Variants in EDARADD observed in about 807,000 individuals in gnomAD.
EDARADD encodes the protein EDAR associated via death domain.
Under a neutral mutation model 25.6 loss-of-function variants are expected in EDARADD, and 20 were observed. That is an observed-to-expected ratio of 0.78 (90% CI 0.55 to 1.14). The LOEUF (loss-of-function observed/expected upper bound fraction) is 1.14. Among genes scored for constraint, EDARADD ranks in the 50% most tolerant of loss-of-function variants. The pLI, the probability that EDARADD is intolerant of heterozygous loss-of-function variation, is 0.00. For missense variants in EDARADD, 225 were observed against 270.1 expected (o/e 0.83, Z 1.17); for synonymous variants, 86 against 94.4 (o/e 0.91, Z 0.52).
At chr1:236,369,560 G>A (rs926921152) in intron 3 of EDARADD, among the ~76,000 whole-genome samples, 5 of 152,018 alleles carry the variant, frequency 3.3e-5, no homozygotes, top group Admixed American at 1.3e-4. Flanking sequence ...ATCATACATC[G>A]GCCAGGTGCG....
intron 3 of EDARADD, among the ~76,000 whole-genome samples, chr1:236,363,426 C>G (rs61833977): frequency 6.6e-6 from 1 of 151,100 alleles, no homozygotes; most frequent in Non-Finnish European, 1.5e-5. Flanking sequence ...TCACGTCCCC[C>G]ACATGTTCCT....
chr1:236,407,157 G>A (rs1667752380), intron 1 of EDARADD, among the ~76,000 whole-genome samples: 1 of 152,168 alleles, frequency 6.6e-6, no homozygotes, highest in South Asian at 2.1e-4. Flanking sequence ...AGGCATTGCT[G>A]TCTTATGGTC....
intron 4 of EDARADD, among the ~76,000 whole-genome samples, chr1:236,437,544 A>G (rs1175931610): frequency 6.6e-6 from 1 of 152,020 alleles, no homozygotes; most frequent in Non-Finnish European, 1.5e-5. Flanking sequence ...TCACCTAGGG[A>G]TGTAATCCCA....
chr1:236,450,985 T>C (rs1178022352), intron 4 of EDARADD, among the ~76,000 whole-genome samples: 1 of 152,218 alleles, frequency 6.6e-6, no homozygotes, highest in African/African-American at 2.4e-5. Context: ...ATCTTGACTC[T>C]ACCCTCTGGA....
At chr1:236,446,622 T>C (rs544627995) in intron 4 of EDARADD, among the ~76,000 whole-genome samples, 3 of 152,198 alleles carry the variant, frequency 2.0e-5, no homozygotes, top group African/African-American at 7.2e-5. Flanking sequence ...ATGAAATGAG[T>C]AGTATACAAT....
chr1:236,415,513 T>A (rs1657613018), intron 3 of EDARADD, among the ~76,000 whole-genome samples: 1 of 152,192 alleles, frequency 6.6e-6, no homozygotes, highest in Non-Finnish European at 1.5e-5. Context: ...TGGCTCAATC[T>A]TGGCTCACTG....
intron 3 of EDARADD, among the ~76,000 whole-genome samples, chr1:236,385,086 A>ATTTTTTTTTTTTTTT (rs1293083838): frequency 2.6e-5 from 2 of 76,542 alleles, no homozygotes; most frequent in Non-Finnish European, 4.7e-5. Flanking sequence ...ATGCCTTTTG[A>ATTTTTTTTTTTTTTT]TTCTTTTTTT....
chr1:236,352,675 C>T (rs1666930211), intron 3 of EDARADD, among the ~76,000 whole-genome samples: 1 of 152,160 alleles, frequency 6.6e-6, no homozygotes, highest in Non-Finnish European at 1.5e-5. Context: ...TGGTGAAACC[C>T]TGTCTCTACT....
At chr1:236,419,554 G>T (rs1657727049) in intron 3 of EDARADD, among the ~76,000 whole-genome samples, 1 of 152,196 alleles carries the variant, frequency 6.6e-6, no homozygotes, top group Non-Finnish European at 1.5e-5. Flanking sequence ...TGACACTTCA[G>T]TGTGCATCAG....
At chr1:236,397,816 T>G (rs766903214) in intron 1 of EDARADD, among the ~76,000 whole-genome samples, 4 of 152,156 alleles carry the variant, frequency 2.6e-5, no homozygotes, top group Admixed American at 1.3e-4. Flanking sequence ...GTCTATAAAA[T>G]GAGCGCTCCT....
intron 3 of EDARADD, among the ~76,000 whole-genome samples, chr1:236,385,089 C>CTTTTTTTTTTTTTTTTTTTTTTTTTTTT (rs34509027): frequency 5.7e-5 from 7 of 121,986 alleles, no homozygotes; most frequent in African/African-American, 1.7e-4. Context: ...CCTTTTGATT[C>CTTTTTTTTTTTTTTTTTTTTTTTTTTTT]TTTTTTTTTT....
intron 4 of EDARADD, among the ~76,000 whole-genome samples, chr1:236,448,445 G>A (rs1658624116): frequency 6.6e-6 from 1 of 152,166 alleles, no homozygotes; most frequent in Non-Finnish European, 1.5e-5. Flanking sequence ...GCCCCACCAT[G>A]GCGGTCAGGG....
intron 5 of EDARADD, among the ~76,000 whole-genome samples, chr1:236,479,824 T>A (rs539366401): frequency 2.3e-4 from 35 of 151,558 alleles, no homozygotes; most frequent in Non-Finnish European, 5.2e-4. Flanking sequence ...GGCAGGAGGA[T>A]TGCTTAAGGC....
At chr1:236,401,028 T>C (rs1451693319) in intron 1 of EDARADD, among the ~76,000 whole-genome samples, 1 of 151,986 alleles carries the variant, frequency 6.6e-6, no homozygotes, top group East Asian at 1.9e-4. Context: ...CGAAACCCCA[T>C]GTCTAATAAA....
rs150628864 is a variant in EDARADD, at chr1:236,421,739, A to G, written c.161-5653A>G. ...TAACTGGTCTCTAACTCCTGACCTC[A>G]GGTGATCTACCCGCATTGGCCTCCC... On this transcript the variant is annotated intron_variant, in intron 3 of 5. Coordinates refer to ENST00000334232, the MANE Select transcript of EDARADD (RefSeq NM_145861.4). Among the ~76,000 whole-genome samples the G allele has an allele frequency of 1.5e-4, 23 of 152,104 alleles. No homozygotes were observed. In the East Asian group the frequency reaches 4.4e-3, roughly 29 times the overall value.
At chr1:236,358,034 G>T (rs1572107608) in intron 3 of EDARADD, among the ~76,000 whole-genome samples, 1 of 152,022 alleles carries the variant, frequency 6.6e-6, no homozygotes, top group Non-Finnish European at 1.5e-5. Context: ...ACCACACCCG[G>T]CTAATTTTGT....
chr1:236,360,154 A>G (rs1667028909), intron 3 of EDARADD, among the ~76,000 whole-genome samples: 1 of 152,040 alleles, frequency 6.6e-6, no homozygotes, highest in Admixed American at 6.6e-5. Context: ...GTCTCTAAAA[A>G]AGAAAAATTA....
At chr1:236,357,013 G>C (rs1056559509) in intron 3 of EDARADD, among the ~76,000 whole-genome samples, 1 of 152,108 alleles carries the variant, frequency 6.6e-6, no homozygotes, top group Non-Finnish European at 1.5e-5. Context: ...GAACCCAGGA[G>C]GGGGAGATGG....
At chr1:236,381,027 G>A (rs1011947504) in intron 3 of EDARADD, among the ~76,000 whole-genome samples, 3 of 152,116 alleles carry the variant, frequency 2.0e-5, no homozygotes, top group Non-Finnish European at 4.4e-5. Flanking sequence ...GAACATGTCC[G>A]TTAGCCCCCA....
Sources: gnomAD v4.1 joint callset for allele counts (sites outside exome capture counted in the v4.1 genomes callset) on GRCh38, gnomAD v4.1.1 for gene constraint, MANE v1.5 for transcripts, NCBI Gene and HGNC (gene_info 2026-07-23, HGNC 2026-07-21) for gene names.